Variants in GRB10 observed in about 807,000 individuals in gnomAD.
GRB10 encodes growth factor receptor-bound protein 10.
Under a neutral mutation model 80.9 loss-of-function variants are expected in GRB10, and 20 were observed. The ratio of observed to expected loss-of-function variants is 0.25; its 90% CI spans 0.17 to 0.36. The LOEUF (loss-of-function observed/expected upper bound fraction) is 0.36, where lower values mean the gene tolerates loss of function less well. Ranked by LOEUF, GRB10 falls within the 10% of genes least tolerant of loss-of-function variation. GRB10 has a pLI of 1.00. For synonymous variants in GRB10, 291 were observed against 291.5 expected (o/e 1.00, Z 0.02); for missense variants, 548 against 747.7 (o/e 0.73, Z 3.12).
At chr7:50,787,268 CAGGAGGAGGAGG>C (rs56235564), upstream of GRB10, among the ~76,000 whole-genome samples, 1 of 148,690 alleles carries the variant, frequency 6.7e-6, no homozygotes. Flanking sequence ...CTCTGGAGAG[CAGGAGGAGGAGG>C]AGGAGGAGGA....
chr7:50,767,809 C>T (rs1006123404), intron 2 of GRB10, among the ~76,000 whole-genome samples: 1 of 152,170 alleles, frequency 6.6e-6, no homozygotes, highest in African/African-American at 2.4e-5. Context: ...GCTCACACCT[C>T]GTTCACAGAC....
At chr7:50,701,494 G>A (rs1266332995) in intron 5 of GRB10, among the ~76,000 whole-genome samples, 4 of 152,212 alleles carry the variant, frequency 2.6e-5, no homozygotes, top group African/African-American at 7.2e-5. Context: ...GGGAGGCTGA[G>A]GCTGGAGGAT....
At chr7:50,672,333 C>A (rs942861600) in intron 6 of GRB10, among the ~76,000 whole-genome samples, 1 of 152,144 alleles carries the variant, frequency 6.6e-6, no homozygotes, top group Non-Finnish European at 1.5e-5. Flanking sequence ...AGCTGGGAAG[C>A]GAGGGTAACC....
At chr7:50,615,935 G>C (rs976989513) in intron 11 of GRB10, among the ~76,000 whole-genome samples, 2 of 152,152 alleles carry the variant, frequency 1.3e-5, no homozygotes, top group African/African-American at 4.8e-5. Context: ...TGAAGTGATG[G>C]GGCAGCCAGG....
At position 50,626,922 on chromosome 7, in the gene GRB10, G is replaced by A; in HGVS notation, c.561C>T (p.Asp187=). The A allele has an allele frequency of 6.2e-7, 1 of 1,614,170 alleles. No homozygotes were observed. The highest frequency in any genetic ancestry group is 8.5e-7 in the Non-Finnish European group (1 of 1,180,012). ...GTSKVVEILA[D]MTARDLCQLL... ...ATTGGCACAGGTCTCTGGCTGTCAT[G>A]TCTGCTAGAATCTCCACCACTTTGC... Residue 187 remains aspartate, a synonymous_variant, in exon 8 of 19, where the codon GAC becomes GAT. Coordinates refer to ENST00000401949, the MANE Select transcript of GRB10 (RefSeq NM_001350814.2).
At chr7:50,757,375 T>C (rs1271638249) in intron 2 of GRB10, among the ~76,000 whole-genome samples, 2 of 152,236 alleles carry the variant, frequency 1.3e-5, no homozygotes, top group Admixed American at 6.5e-5. Flanking sequence ...TGTATACTCA[T>C]CATTAACTAC....
chr7:50,627,624 A>G (rs1358014447), intron 7 of GRB10, among the ~76,000 whole-genome samples: 2 of 152,222 alleles, frequency 1.3e-5, no homozygotes, highest in East Asian at 3.8e-4. Flanking sequence ...GGTGCTGTTC[A>G]AATCCATGAA....
intron 10 of GRB10, chr7:50,617,823 G>C (rs769886620): frequency 1.7e-6 from 1 of 574,496 alleles, no homozygotes; most frequent in African/African-American, 1.9e-5. Flanking sequence ...TTCTAAGTCA[G>C]AGCAAGGGCA....
chr7:50,742,255 A>ACG (rs764613646), intron 3 of GRB10, among the ~76,000 whole-genome samples: 775 of 33,080 alleles, frequency 0.023, 1 homozygote, highest in African/African-American at 0.042. Flanking sequence ...GTGTAAACAC[A>ACG]CGCGCACGCG....
At chr7:50,681,436 G>A (rs545233442) in intron 5 of GRB10, among the ~76,000 whole-genome samples, 28 of 152,316 alleles carry the variant, frequency 1.8e-4, no homozygotes, top group African/African-American at 6.5e-4. Context: ...CCAGGATGCC[G>A]CCCGACCTTA....
At chr7:50,669,363 G>T (rs916406285) in intron 7 of GRB10, among the ~76,000 whole-genome samples, 3 of 152,196 alleles carry the variant, frequency 2.0e-5, no homozygotes, top group African/African-American at 7.2e-5. Flanking sequence ...TCGCACAGCA[G>T]GAGTGGGAGC....
Position 50,674,494 on chromosome 7 carries a change from G to C in GRB10, c.304C>G (p.Gln102Glu). Residue 102 changes from glutamine (Q) to glutamate (E), a missense_variant, in exon 6 of 19, where the codon CAG (glutamine) becomes GAG (glutamate). Around this residue, in one of 4 missense-constraint regions of GRB10, gnomAD observed 245 missense variants for 229.3 expected, o/e 1.07. Coordinates refer to ENST00000401949, the MANE Select transcript of GRB10 (RefSeq NM_001350814.2). ...TGCACCCTCTGCCTCGGGGACACCT[G>C]TGGCTGGATGGACCGAGGAGGGCCT... ...ASGPPRSIQP[Q>E]VSPRQRVQRS... The C allele has an allele frequency of 6.2e-7, 1 of 1,609,152 alleles. No individual in the cohort carries two copies.
intron 7 of GRB10, among the ~76,000 whole-genome samples, chr7:50,660,720 G>A (rs1018314316): frequency 5.3e-5 from 8 of 152,194 alleles, no homozygotes; most frequent in South Asian, 4.2e-4. Flanking sequence ...GAGGGGGGCC[G>A]AGGACAGAGG....
rs189674864 is a variant in GRB10, at chr7:50,792,349, C to T, written c.-294+875G>A. 13 of 392,058 alleles carry T rather than the reference C, an allele frequency of 3.3e-5. No individual in the cohort carries two copies. The Admixed American group carries it at 5.3e-4, about 16-fold the overall frequency. 24.3% of individuals were successfully genotyped at this position (392,058 alleles called of 1,614,324 possible). On this transcript the variant is annotated intron_variant, in intron 1 of 16. Transcript: ENST00000335866. ...GTAAAAATCACCTGTGGCTCTCTTACATTACCCAACGTTTCGGTGAAAGCA... is the reference window on the plus strand; with the variant it reads ...GTAAAAATCACCTGTGGCTCTCTTATATTACCCAACGTTTCGGTGAAAGCA...
At chr7:50,612,893 C>G in intron 12 of GRB10, 54 bp from the exon 13 acceptor site, 1 of 1,229,976 alleles carries the variant, frequency 8.1e-7, no homozygotes, top group Non-Finnish European at 1.2e-6. Context: ...TCAGAAACAG[C>G]TTCTGTCAAG....
intron 7 of GRB10, among the ~76,000 whole-genome samples, chr7:50,662,480 C>T (rs1019265918): frequency 6.6e-6 from 1 of 152,122 alleles, no homozygotes; most frequent in African/African-American, 2.4e-5. Flanking sequence ...GATGCTTCAG[C>T]CCCAGGCAGG....
intron 4 of GRB10, among the ~76,000 whole-genome samples, chr7:50,726,463 CA>C (rs1263955556): frequency 6.6e-6 from 1 of 151,544 alleles, no homozygotes; most frequent in South Asian, 2.1e-4. Flanking sequence ...TTATATTATT[CA>C]AAAAAAATCA....
In GRB10 at chr7:50,672,289, C is replaced by G. The variant is rs150989031; in HGVS notation, c.362+2147G>C. Among the ~76,000 whole-genome samples, 133 of 152,294 alleles carry G rather than the reference C, an allele frequency of 8.7e-4. 1 individual carries two copies. Among genetic ancestry groups the G allele is most frequent in the African/African-American group, 3.1e-3 (127 of 41,546 alleles). On this transcript the variant is annotated intron_variant, in intron 6 of 18. Coordinates refer to ENST00000401949, the MANE Select transcript of GRB10 (RefSeq NM_001350814.2). ...GCCACTTCCCACCTGATGTGGTGAGCCCAGTTACCGCCCCGCTGTGCCACG... is the reference window on the plus strand; with the variant it reads ...GCCACTTCCCACCTGATGTGGTGAGGCCAGTTACCGCCCCGCTGTGCCACG...
At chr7:50,626,389 G>A (rs1375701856) in intron 8 of GRB10, among the ~76,000 whole-genome samples, 1 of 152,130 alleles carries the variant, frequency 6.6e-6, no homozygotes, top group Non-Finnish European at 1.5e-5. Context: ...CTATAACCAT[G>A]GCTCCCTTCT....
Sources: gnomAD v4.1 joint callset for allele counts (sites outside exome capture counted in the v4.1 genomes callset) on GRCh38, gnomAD v4.1.1 for gene constraint, gnomAD v4.1.1 regional missense constraint, MANE v1.5 for transcripts, NCBI Gene and HGNC (gene_info 2026-07-23, HGNC 2026-07-21) for gene names.